The following SPON1 variants were observed in gnomAD, a reference collection of about 807,000 sequenced individuals.
SPON1 encodes spondin-1.
Under a neutral mutation model 111.7 loss-of-function variants are expected in SPON1, and 52 were observed. The observed-to-expected ratio is 0.47, with a 90% CI of 0.37 to 0.59. SPON1 has a LOEUF of 0.59. Among genes scored for constraint, SPON1 ranks in the 20% least tolerant of loss-of-function variants. The pLI is 0.00. For synonymous variants in SPON1, 410 were observed against 395.8 expected (o/e 1.04, Z -0.43); for missense variants, 957 against 1,068.5 (o/e 0.90, Z 1.46).
intron 6 of SPON1, among the ~76,000 whole-genome samples, chr11:14,197,605 C>A (rs2133895016): frequency 6.6e-6 from 1 of 150,430 alleles, no homozygotes; most frequent in South Asian, 2.1e-4. Flanking sequence ...GAGATCAAGA[C>A]CATTCTGGCT....
intron 3 of SPON1, among the ~76,000 whole-genome samples, chr11:14,066,032 C>G (rs1554920331): frequency 6.6e-6 from 1 of 152,156 alleles, no homozygotes; most frequent in Non-Finnish European, 1.5e-5. Context: ...CTGTAAGAGG[C>G]ATTAATAGTC....
At chr11:14,041,041 A>T (rs1848627418) in intron 2 of SPON1, among the ~76,000 whole-genome samples, 1 of 152,216 alleles carries the variant, frequency 6.6e-6, no homozygotes, top group Non-Finnish European at 1.5e-5. Context: ...GGAAGTAGGA[A>T]CTGCGCTAGT....
chr11:14,085,397 A>G (rs1554922479), intron 5 of SPON1, among the ~76,000 whole-genome samples: 1 of 152,210 alleles, frequency 6.6e-6, no homozygotes, highest in Non-Finnish European at 1.5e-5. Context: ...CATTGATTAA[A>G]TAGAGAATCC....
At chr11:13,987,486 C>T (rs1442137136) in intron 2 of SPON1, among the ~76,000 whole-genome samples, 1 of 152,142 alleles carries the variant, frequency 6.6e-6, no homozygotes, top group Non-Finnish European at 1.5e-5. Flanking sequence ...CAAAAATTTT[C>T]TCCCATTCTG....
intron 5 of SPON1, among the ~76,000 whole-genome samples, chr11:14,107,768 A>C (rs1369892728): frequency 6.6e-6 from 1 of 152,182 alleles, no homozygotes; most frequent in African/African-American, 2.4e-5. Flanking sequence ...AAAGTGAGAG[A>C]AACTGTAATC....
intron 2 of SPON1, among the ~76,000 whole-genome samples, chr11:14,014,690 C>T (rs949961920): frequency 6.6e-6 from 1 of 152,166 alleles, no homozygotes; most frequent in Non-Finnish European, 1.5e-5. Context: ...TGGAGGAGCA[C>T]CTGCCATATC....
At chr11:14,245,316 C>A (rs960019243) in intron 7 of SPON1, among the ~76,000 whole-genome samples, 1 of 152,154 alleles carries the variant, frequency 6.6e-6, no homozygotes, top group African/African-American at 2.4e-5. Context: ...CCCTACTGTG[C>A]GCCAGCCCTG....
chr11:14,022,235 C>A (rs879950305), intron 2 of SPON1, among the ~76,000 whole-genome samples: 3 of 152,208 alleles, frequency 2.0e-5, no homozygotes, highest in Non-Finnish European at 4.4e-5. Context: ...AGAATATCAG[C>A]CAGCTGAGCT....
chr11:14,214,518 T>G (rs1484705679), intron 6 of SPON1, among the ~76,000 whole-genome samples: 2 of 152,202 alleles, frequency 1.3e-5, no homozygotes, highest in Non-Finnish European at 2.9e-5. Flanking sequence ...ATTTCCAGGT[T>G]TCTCCAACAC....
chr11:14,130,496 A>G (rs536795508), intron 5 of SPON1, among the ~76,000 whole-genome samples: 1 of 152,242 alleles, frequency 6.6e-6, no homozygotes, highest in South Asian at 2.1e-4. Context: ...TTATTCTGAC[A>G]TTGTGCTTAC....
intron 6 of SPON1, among the ~76,000 whole-genome samples, chr11:14,141,345 T>C (rs1273370122): frequency 6.6e-6 from 1 of 152,210 alleles, no homozygotes; most frequent in African/African-American, 2.4e-5. Flanking sequence ...CTAATATCTG[T>C]AGCACCTAAC....
intron 5 of SPON1, among the ~76,000 whole-genome samples, chr11:14,112,109 G>GAA (rs782414747): frequency 7.6e-6 from 1 of 131,702 alleles, no homozygotes; most frequent in African/African-American, 2.8e-5. Context: ...ATTTGCAGGG[G>GAA]AAAAAAAAAA....
intron 6 of SPON1, among the ~76,000 whole-genome samples, chr11:14,210,692 C>G (rs1235248993): frequency 6.6e-6 from 1 of 152,104 alleles, no homozygotes; most frequent in Non-Finnish European, 1.5e-5. Flanking sequence ...TGAGCCACCG[C>G]ACCCGGGCAT....
chr11:14,118,795 G>T (rs1421504867), intron 5 of SPON1, among the ~76,000 whole-genome samples: 2 of 152,160 alleles, frequency 1.3e-5, no homozygotes, highest in East Asian at 3.9e-4. Context: ...AGTAGAAAGG[G>T]CAAGGCCTTA....
chr11:13,991,131 T>C (rs1848226604), intron 2 of SPON1, among the ~76,000 whole-genome samples: 1 of 152,216 alleles, frequency 6.6e-6, no homozygotes, highest in African/African-American at 2.4e-5. Context: ...TCTTGCTAGG[T>C]TGGAGAAGTT....
chr11:14,127,472 A>G (rs1212822199), intron 5 of SPON1, among the ~76,000 whole-genome samples: 1 of 152,046 alleles, frequency 6.6e-6, no homozygotes, highest in African/African-American at 2.4e-5. Flanking sequence ...AGGGCCTTCT[A>G]TTTGGTCTCC....
At chr11:14,253,354 G>A (rs1483278652) in intron 7 of SPON1, among the ~76,000 whole-genome samples, 1 of 152,244 alleles carries the variant, frequency 6.6e-6, no homozygotes, top group Non-Finnish European at 1.5e-5. Context: ...CTGTCTGCAA[G>A]CTAGCTCATT....
At chr11:14,253,381 C>G (rs1202009444) in intron 7 of SPON1, among the ~76,000 whole-genome samples, 1 of 152,194 alleles carries the variant, frequency 6.6e-6, no homozygotes, top group African/African-American at 2.4e-5. Context: ...TCACAGGAAC[C>G]CTTTGGAGTA....
At chr11:14,106,924 AGT>A (rs1849189183) in intron 5 of SPON1, among the ~76,000 whole-genome samples, 2 of 152,158 alleles carry the variant, frequency 1.3e-5, no homozygotes, top group Non-Finnish European at 2.9e-5. Flanking sequence ...GGAAGGAAAA[AGT>A]GTGTGCTGCC....
Sources: allele counts gnomAD v4.1 joint callset (sites outside exome capture counted in the v4.1 genomes callset), GRCh38; gene constraint gnomAD v4.1.1; transcripts MANE v1.5; gene names NCBI Gene and HGNC (gene_info 2026-07-23, HGNC 2026-07-21).